Variants in BORA observed in about 807,000 individuals in gnomAD.
BORA encodes protein aurora borealis.
Under a neutral mutation model 55.8 loss-of-function variants are expected in BORA, and 26 were observed. That is an observed-to-expected ratio of 0.47 (90% CI 0.34 to 0.65). BORA has a LOEUF of 0.65. BORA is among the 30% of genes least tolerant of loss of function. The probability of loss-of-function intolerance (pLI) is 0.01; values close to 1 mark genes in which losing one functional copy is unlikely to be tolerated. For synonymous variants in BORA, 201 were observed against 216.9 expected, an observed-to-expected ratio of 0.93 and a Z score of 0.64; for missense variants, 568 against 671.5, an observed-to-expected ratio of 0.85 and a Z score of 1.70.
chr13:72,755,978 G>T lies in BORA; in HGVS notation c.*762G>T, dbSNP rs2033455050. The T allele has an allele frequency of 2.5e-6, 1 of 398,584 alleles. No homozygotes were observed. Among genetic ancestry groups the T allele is most frequent in the Non-Finnish European group, 4.4e-6 (1 of 226,072 alleles). 24.7% of individuals were successfully genotyped at this position (398,584 alleles called of 1,614,324 possible). On this transcript the variant is annotated 3_prime_UTR_variant, in exon 12 of 12. Coordinates refer to ENST00000390667, the MANE Select transcript of BORA (RefSeq NM_024808.5). ...GAACCAAGAGAAAAAGTGGGGCTGG[G>T]AGAGTGGAGTTCCCGTAGGGCATAG... is the stretch of plus-strand genomic sequence containing the variant.
chr13:72,743,659 C>A, intron 6 of BORA, 57 bp downstream of exon 6: 1 of 1,323,210 alleles, frequency 7.6e-7, no homozygotes, highest in South Asian at 1.3e-5. Context: ...ACATTGAATT[C>A]TAAACCCAGT....
chr13:72,754,528 A>C (rs1405751410), intron 11 of BORA: 2 of 152,038 alleles, frequency 1.3e-5, no homozygotes, highest in Non-Finnish European at 2.9e-5. Flanking sequence ...TGTGCAACAA[A>C]TGTTTAATAG....
chr13:72,741,034 C>T (rs984571036), intron 5 of BORA, among the ~76,000 whole-genome samples: 1 of 152,192 alleles, frequency 6.6e-6, no homozygotes, highest in African/African-American at 2.4e-5. Context: ...TTTGTTTATA[C>T]ATGTTAGCTT....
At chr13:72,748,722 TTCACTTTCTC>T (rs2033201330) in intron 10 of BORA, among the ~76,000 whole-genome samples, 1 of 123,398 alleles carries the variant, frequency 8.1e-6, no homozygotes, top group African/African-American at 4.1e-5. Context: ...TCTGCCTTTT[TTCACTTTCTC>T]TCTCTCTCTC....
chr13:72,741,095 T>G (rs922056447), intron 5 of BORA, among the ~76,000 whole-genome samples: 5 of 152,218 alleles, frequency 3.3e-5, no homozygotes, highest in African/African-American at 9.6e-5. Context: ...GGTGCTTCAG[T>G]GCATATCCTC....
intron 3 of BORA, among the ~76,000 whole-genome samples, chr13:72,733,154 T>A (rs1412189819): frequency 2.6e-5 from 4 of 152,212 alleles, no homozygotes; most frequent in African/African-American, 9.6e-5. Flanking sequence ...CAATATATTC[T>A]TCACAGAGCA....
At position 72,727,982 on chromosome 13, in the gene BORA, C is replaced by G. The variant is rs1342543942; in HGVS notation, c.-41C>G. 2 of 1,549,138 alleles carry G rather than the reference C, an allele frequency of 1.3e-6. No homozygotes were observed. The stretch of plus-strand genomic sequence containing the variant: ...CCCCCGGAGCTCCCTGGAGTCGGTA[C>G]TGGGGGCTTCGTTTTGTACGCACCG... On this transcript the variant is annotated 5_prime_UTR_variant, in exon 1 of 12. The change creates a premature stop within an existing upstream ORF in the 5' untranslated region. Coordinates refer to ENST00000390667, the MANE Select transcript of BORA (RefSeq NM_024808.5).
Position 72,747,027 on chromosome 13 carries a change from T to G in BORA, c.1398T>G (p.Ile466Met). Residue 466 changes from isoleucine (I) to methionine (M), a missense_variant, in exon 10 of 12, where the codon ATT becomes ATG. Physicochemically the swap from Ile to Met is conservative, Grantham distance 10 (BLOSUM62 1). Coordinates refer to ENST00000390667, the MANE Select transcript of BORA (RefSeq NM_024808.5). The stretch of plus-strand genomic sequence containing the variant: ...CCATGACTGATTTTGTAAGTGGCAT[T>G]GCCTTCAGTATTGAAAACTCTCATA... ...SLPMTDFVSG[I>M]AFSIENSHMC... is the part of the protein sequence containing the mutation. The G allele has an allele frequency of 1.2e-6, 2 of 1,614,140 alleles. No individual in the cohort carries two copies. Among genetic ancestry groups the G allele is most frequent in the Non-Finnish European group, 1.7e-6 (2 of 1,179,976 alleles).
chr13:72,728,044 T>C (rs1226651261), intron 1 of BORA, 37 bp downstream of exon 1: 1 of 1,550,374 alleles, frequency 6.5e-7, no homozygotes. Context: ...CCTTTCCTCC[T>C]GTCTGAATGG....
intron 5 of BORA, among the ~76,000 whole-genome samples, chr13:72,738,402 T>C (rs2032975618): frequency 6.6e-6 from 1 of 152,224 alleles, no homozygotes; most frequent in South Asian, 2.1e-4. Context: ...CCGTAAATTG[T>C]GTTGCCTTTT....
At chr13:72,743,709 CT>C (rs34245891) in intron 6 of BORA, 107 bp downstream of exon 6, 33,688 of 588,738 alleles carry the variant, frequency 0.057, no homozygotes, top group Non-Finnish European at 0.064. Flanking sequence ...AAATTGTTTC[CT>C]TTTTTTTTTT....
At chr13:72,754,942 G>T in intron 11 of BORA, 1 of 491,632 alleles carries the variant, frequency 2.0e-6, no homozygotes. Flanking sequence ...CCAAACTCCT[G>T]GGCTCGTGCG....
At chr13:72,746,472 G>A (rs1228485015) in intron 9 of BORA, 29 bp from the exon 10 acceptor site, 1 of 1,570,036 alleles carries the variant, frequency 6.4e-7, no homozygotes, top group East Asian at 2.3e-5. Flanking sequence ...TTTTTATGAT[G>A]TGATTTTTTT....
chr13:72,753,897 G>GA (rs2033355504), intron 11 of BORA, 76 bp downstream of exon 11: 8 of 1,335,018 alleles, frequency 6.0e-6, no homozygotes, highest in Non-Finnish European at 8.2e-6. Flanking sequence ...TTAGACAATA[G>GA]TACTATTGAG....
intron 5 of BORA, 102 bp from the exon 6 acceptor site, chr13:72,743,435 A>G: frequency 1.4e-6 from 1 of 721,478 alleles, no homozygotes; most frequent in South Asian, 3.1e-5. Context: ...TTAATGTTGC[A>G]AAATAAGTTT....
chr13:72,740,138 C>T lies in BORA; in HGVS notation c.388+2095C>T, dbSNP rs145148512. Reference sequence around the variant, plus strand: ...TGAGGTATAGAACTGGAAACTGTGTCGGGTGAATGAGCCCTGCTTTTTGTA... The same window carrying T: ...TGAGGTATAGAACTGGAAACTGTGTTGGGTGAATGAGCCCTGCTTTTTGTA... On this transcript the variant is annotated intron_variant, in intron 5 of 11. Transcript: ENST00000390667. Among the ~76,000 whole-genome samples the T allele has an allele frequency of 2.1e-3, 312 of 152,186 alleles. 1 individual carries two copies. The highest frequency in any genetic ancestry group is 7.0e-3 in the African/African-American group (292 of 41,514).
chr13:72,754,026 G>C, intron 11 of BORA: 1 of 489,356 alleles, frequency 2.0e-6, no homozygotes. Flanking sequence ...AGTGTGCAAA[G>C]GTAGCGTGTA....
At chr13:72,730,345 T>C (rs567257971) in intron 2 of BORA, among the ~76,000 whole-genome samples, 1 of 152,338 alleles carries the variant, frequency 6.6e-6, no homozygotes, top group Admixed American at 6.5e-5. Context: ...TTACTAAAAA[T>C]AAATAATAGA....
intron 8 of BORA, 53 bp from the exon 9 acceptor site, chr13:72,745,891 A>G (rs2033129678): frequency 4.1e-6 from 6 of 1,472,884 alleles, no homozygotes; most frequent in Admixed American, 2.0e-5. Flanking sequence ...ATGCAGCATA[A>G]GAGTTAAGGA....
Sources: gnomAD v4.1 joint callset for allele counts (sites outside exome capture counted in the v4.1 genomes callset) on GRCh38, gnomAD v4.1.1 for gene constraint, MANE v1.5 for transcripts, NCBI Gene and HGNC (gene_info 2026-07-23, HGNC 2026-07-21) for gene names.